Variants in MMS19 observed in about 807,000 individuals in gnomAD.
The protein encoded by MMS19 is MMS19 cytosolic iron-sulfur assembly component.
A neutral mutation model predicts 129.8 loss-of-function variants in MMS19; 77 were observed. The ratio of observed to expected loss-of-function variants is 0.59; its 90% CI spans 0.49 to 0.72. The LOEUF is 0.72. Among genes scored for constraint, MMS19 ranks in the 30% least tolerant of loss-of-function variants. MMS19 has a pLI of 0.00. For missense variants in MMS19, 1,168 were observed against 1,266.3 expected (o/e 0.92, Z 1.18); for synonymous variants, 491 against 502.8 (o/e 0.98, Z 0.31).
intron 12 of MMS19, among the ~76,000 whole-genome samples, 194 bp downstream of exon 12, chr10:97,468,772 C>G (rs1347059982): frequency 6.6e-6 from 1 of 152,120 alleles, no homozygotes. Context: ...CCACGCCCGG[C>G]TAATTTTTGT....
chr10:97,485,951 T>C (rs1299746739), intron 1 of MMS19, among the ~76,000 whole-genome samples: 2 of 152,208 alleles, frequency 1.3e-5, no homozygotes, highest in East Asian at 3.8e-4. Flanking sequence ...AACTACTATA[T>C]GACCCAACAA....
intron 29 of MMS19, 121 bp from the exon 30 acceptor site, chr10:97,459,021 T>C (rs2030764623): frequency 9.4e-7 from 1 of 1,069,188 alleles, no homozygotes; most frequent in Admixed American, 2.4e-5. Context: ...TTCCAAGGGA[T>C]GTTAAGTGGC....
chr10:97,495,467 T>C (rs1187700177), intron 1 of MMS19, among the ~76,000 whole-genome samples: 1 of 152,234 alleles, frequency 6.6e-6, no homozygotes, highest in Admixed American at 6.5e-5. Context: ...GGAAGCTAGC[T>C]GGTCCCTTTA....
chr10:97,467,734 G>A, intron 13 of MMS19, 151 bp from the exon 14 acceptor site: 2 of 664,008 alleles, frequency 3.0e-6, no homozygotes, highest in South Asian at 1.9e-5. Flanking sequence ...CATGATTATA[G>A]CTCCCTGCAG....
At position 97,461,983 on chromosome 10, in the gene MMS19, C is replaced by A. The variant is rs749654807; in HGVS notation, c.2115+34G>T. On this transcript the variant is annotated intron_variant, in intron 21 of 30. Coordinates refer to ENST00000438925, the MANE Select transcript of MMS19 (RefSeq NM_022362.5). ...ATTCCAGATTAGCCCTAAAAAAAAA[C>A]CAGCTTGAAGGATGTAAGTTCTAAG... 2.2e-5 allele frequency: 35 copies of A among 1,562,050 alleles called. No individual in the cohort carries two copies. The Middle Eastern group carries it at 5.0e-4, about 22-fold the overall frequency.
intron 1 of MMS19, among the ~76,000 whole-genome samples, chr10:97,497,620 C>A (rs886317135): frequency 1.3e-5 from 2 of 152,024 alleles, no homozygotes; most frequent in African/African-American, 4.8e-5. Context: ...ACTAAGAGAT[C>A]TCTGAACTGG....
intron 11 of MMS19, 129 bp from the exon 12 acceptor site, chr10:97,469,233 C>G: frequency 8.6e-7 from 1 of 1,163,960 alleles, no homozygotes; most frequent in South Asian, 1.6e-5. Context: ...AAATTAACAC[C>G]CCAACTGAGT....
intron 8 of MMS19, among the ~76,000 whole-genome samples, chr10:97,473,488 T>C (rs1485881452): frequency 2.0e-5 from 3 of 151,094 alleles, no homozygotes; most frequent in African/African-American, 7.3e-5. Context: ...ACTGAGGGGG[T>C]AAACCACAAA....
chr10:97,490,462 A>AG (rs1475397003), intron 1 of MMS19, among the ~76,000 whole-genome samples: 1 of 152,202 alleles, frequency 6.6e-6, no homozygotes, highest in African/African-American at 2.4e-5. Flanking sequence ...AGGGAGAAAC[A>AG]GGGTAAAAGG....
intron 2 of MMS19, among the ~76,000 whole-genome samples, chr10:97,483,472 T>C (rs536420438): frequency 2.6e-5 from 4 of 151,806 alleles, no homozygotes; most frequent in Non-Finnish European, 5.9e-5. Context: ...TTTCCCCCAG[T>C]TTTCTAGTTT....
intron 8 of MMS19, among the ~76,000 whole-genome samples, chr10:97,473,184 T>C (rs541283074): frequency 1.3e-5 from 2 of 152,152 alleles, no homozygotes; most frequent in East Asian, 3.9e-4. Flanking sequence ...TACAGGCGCC[T>C]GCTACCACGC....
Position 97,461,505 on chromosome 10 carries a change from G to A in MMS19, c.2302C>T (p.His768Tyr). The A allele has an allele frequency of 3.7e-6, 6 of 1,606,820 alleles. No individual in the cohort carries two copies. The highest frequency in any genetic ancestry group is 5.1e-6 in the Non-Finnish European group (6 of 1,176,604). Reference sequence around the variant, plus strand: ...AGTCTGATCTCAGTACCTGCAGGGTGCTTGTTGAGGAGTCCTGCAAAGCAC... The same window carrying A: ...AGTCTGATCTCAGTACCTGCAGGGTACTTGTTGAGGAGTCCTGCAAAGCAC... ...AKCFAGLLNKHPAGQQLDEFL... is the reference protein window; with the variant it reads ...AKCFAGLLNKYPAGQQLDEFL... Residue 768 changes from histidine (H) to tyrosine (Y), a missense_variant, in exon 23 of 31, where the codon CAC (histidine) becomes TAC (tyrosine). His to Tyr is a moderately conservative substitution (Grantham distance 83, BLOSUM62 2). This residue lies in a region of MMS19 where 831 missense variants were observed against 910.8 expected (regional missense o/e 0.91). Transcript: ENST00000438925.
rs571014132 is a variant in MMS19 at position 97,496,664 on chromosome 10, C to CTCA, written c.112+1606_112+1608dup. Among the ~76,000 whole-genome samples, 26 of 152,132 alleles carry CTCA rather than the reference C, an allele frequency of 1.7e-4. No homozygotes were observed. The South Asian group carries it at 5.2e-3, about 30-fold the overall frequency. On this transcript the variant is annotated intron_variant, in intron 1 of 30. Coordinates refer to ENST00000438925, the MANE Select transcript of MMS19 (RefSeq NM_022362.5). Reference sequence around the variant, plus strand: ...TTTCGTATCGCATAAATGTGAAAGACTCATCACAAATGACACTGATATAGT... The same window carrying CTCA: ...TTTCGTATCGCATAAATGTGAAAGACTCATCATCACAAATGACACTGATATAGT...
intron 3 of MMS19, among the ~76,000 whole-genome samples, chr10:97,479,285 G>A (rs898517778): frequency 6.6e-6 from 1 of 152,080 alleles, no homozygotes; most frequent in African/African-American, 2.4e-5. Context: ...GTGTTGGCTG[G>A]GAAAGGAAAT....
Position 97,470,138 on chromosome 10 carries a change from T to C in MMS19, c.837A>G (p.Leu279=), listed in dbSNP as rs764265539. Residue 279 remains leucine (L), a synonymous_variant, in exon 10 of 31, where the codon CTA becomes CTG. Coordinates refer to ENST00000438925, the MANE Select transcript of MMS19 (RefSeq NM_022362.5). ...SEVLSAKLDS[L]QTLNACCAVY... is the part of the protein sequence containing the mutation. ...GAGAAAAATCACTCACCAGAGTCTG[T>C]AGAGAATCCAACTTGGCACTCAGAA... The C allele has an allele frequency of 3.1e-6, 5 of 1,607,440 alleles. No homozygotes were observed. Among genetic ancestry groups the C allele is most frequent in the East Asian group, 4.5e-5 (2 of 44,822 alleles).
Position 97,460,043 on chromosome 10 carries a change from C to G in MMS19, c.2656+3G>C, listed in dbSNP as rs1464546898. On this transcript the variant is annotated splice_donor_region_variant and intron_variant, in intron 26 of 30. Transcript: ENST00000438925. ...TGTGGGGACCTTCTTTCAGACTCCT[C>G]ACCTTGGGGAGCAGCATGGAAGCCC... 2.5e-6 allele frequency: 4 copies of G among 1,612,688 alleles called. No individual in the cohort carries two copies. The highest frequency in any genetic ancestry group is 2.5e-6 in the Non-Finnish European group (3 of 1,178,908).
chr10:97,462,747 G>A, intron 19 of MMS19, 65 bp from the exon 20 acceptor site: 1 of 1,274,654 alleles, frequency 7.8e-7, no homozygotes, highest in Non-Finnish European at 1.1e-6. Context: ...TGAATGATTG[G>A]GTTCTGTCAG....
rs1487121770 is a variant in MMS19, at chr10:97,498,289, A to G, written c.96T>C (p.Ala32=). The G allele has an allele frequency of 1.9e-6, 3 of 1,569,050 alleles. No homozygotes were observed. The Admixed American group carries it at 5.4e-5, about 28-fold the overall frequency. Residue 32 remains alanine (A), a synonymous_variant, in exon 1 of 31, where the codon GCT becomes GCC. Transcript: ENST00000438925. ...DFVVGQQEGP[A]DQVAADVKSG... ...CTGCCGTACCTGCAGCCACCTGGTC[A>G]GCGGGGCCCTCTTGCTGACCCACGA...
At chr10:97,464,438 G>A (rs1263742064) in intron 18 of MMS19, among the ~76,000 whole-genome samples, 4 of 152,166 alleles carry the variant, frequency 2.6e-5, no homozygotes, top group Non-Finnish European at 4.4e-5. Flanking sequence ...CAACCACAGT[G>A]GGCCTGAATC....
Sources: gnomAD v4.1 joint callset for allele counts (sites outside exome capture counted in the v4.1 genomes callset) on GRCh38, gnomAD v4.1.1 for gene constraint, gnomAD v4.1.1 regional missense constraint, MANE v1.5 for transcripts, NCBI Gene and HGNC (gene_info 2026-07-23, HGNC 2026-07-21) for gene names.